The following RHOBTB1 variants were observed in gnomAD, a reference collection of about 807,000 sequenced individuals.
RHOBTB1 encodes the protein Rho related BTB domain containing 1, also known as rho-related BTB domain-containing protein 1.
In RHOBTB1, 40 loss-of-function variants were observed where a neutral mutation model predicts 71.6. The observed-to-expected ratio is 0.56, with a 90% CI of 0.43 to 0.73. The LOEUF (loss-of-function observed/expected upper bound fraction) is 0.73, where lower values mean the gene tolerates loss of function less well. Among genes scored for constraint, RHOBTB1 ranks in the 30% least tolerant of loss-of-function variants. The pLI, the probability that RHOBTB1 is intolerant of heterozygous loss-of-function variation, is 0.00. For synonymous variants in RHOBTB1, 319 were observed against 334.9 expected, an observed-to-expected ratio of 0.95 and a Z score of 0.52; for missense variants, 797 against 894.0, an observed-to-expected ratio of 0.89 and a Z score of 1.38.
chr10:60,910,822 C>A (rs888670810), intron 4 of RHOBTB1, 65 bp downstream of exon 4: 1 of 1,197,786 alleles, frequency 8.3e-7, no homozygotes, highest in Admixed American at 1.7e-5. Flanking sequence ...ATTTGTAAAC[C>A]CGCTGCTGGT....
chr10:60,924,774 A>G (rs1321185056), intron 2 of RHOBTB1, among the ~76,000 whole-genome samples: 1 of 152,244 alleles, frequency 6.6e-6, no homozygotes, highest in Admixed American at 6.5e-5. Context: ...AAATTTTTAA[A>G]AAATTATATC....
rs74556819 is a variant in RHOBTB1, at chr10:60,990,899, T to C, written c.-162-4954A>G. ...TCCAATGTCTGTCTGCTGTCTCCCG[T>C]GATGTCTCAAGACATCTCAAACTCA... On this transcript the variant is annotated intron_variant, in intron 1 of 11. Coordinates refer to the RHOBTB1 transcript ENST00000357917. Among the ~76,000 whole-genome samples, 1,072 of 152,362 alleles carry C rather than the reference T, an allele frequency of 7.0e-3. 8 individuals carry two copies. Among genetic ancestry groups the C allele is most frequent in the African/African-American group, 0.024 (995 of 41,582 alleles).
chr10:60,931,825 T>A (rs568677404), intron 2 of RHOBTB1, among the ~76,000 whole-genome samples: 2 of 152,168 alleles, frequency 1.3e-5, no homozygotes, highest in East Asian at 3.9e-4. Context: ...ACACAGAAAT[T>A]GAACCATATA....
chr10:60,999,381 C>A (rs1300302422), intron 1 of RHOBTB1, among the ~76,000 whole-genome samples: 1 of 152,108 alleles, frequency 6.6e-6, no homozygotes. Flanking sequence ...AAAAAAGATC[C>A]CTTGTATCAG....
chr10:60,948,541 G>C (rs1236024659), upstream of RHOBTB1, among the ~76,000 whole-genome samples: 2 of 152,170 alleles, frequency 1.3e-5, no homozygotes, highest in Non-Finnish European at 2.9e-5. Flanking sequence ...TAAGAAGAGA[G>C]ATTCATGCTG....
chr10:60,921,797 G>A (rs952553585), intron 2 of RHOBTB1, among the ~76,000 whole-genome samples: 3 of 152,196 alleles, frequency 2.0e-5, no homozygotes, highest in African/African-American at 4.8e-5. Context: ...GGCTAAGCCT[G>A]CAGTTGGTGA....
intron 1 of RHOBTB1, among the ~76,000 whole-genome samples, chr10:60,994,634 A>T (rs1402983923): frequency 6.6e-6 from 1 of 152,148 alleles, no homozygotes; most frequent in Non-Finnish European, 1.5e-5. Flanking sequence ...TCAGGAAAAA[A>T]AATGCAATGC....
chr10:60,875,399 C>T (rs1418799999), intron 8 of RHOBTB1, among the ~76,000 whole-genome samples: 1 of 152,212 alleles, frequency 6.6e-6, no homozygotes, highest in African/African-American at 2.4e-5. Context: ...CTCATTCACG[C>T]TAGCCACAGT....
In RHOBTB1 at chr10:60,942,610, C is replaced by T. The variant is rs564427747; in HGVS notation, c.-61-756G>A. 7.2e-5 allele frequency among the ~76,000 whole-genome samples: 11 copies of T among 152,286 alleles called. No homozygotes were observed. The South Asian group carries it at 1.9e-3, about 26-fold the overall frequency. Reference sequence around the variant, plus strand: ...CCCACTCCACCTGGGGAGCAGAATGCAGACATTATTTATGCTGAAAAGAGC... The same window carrying T: ...CCCACTCCACCTGGGGAGCAGAATGTAGACATTATTTATGCTGAAAAGAGC... On this transcript the variant is annotated intron_variant, in intron 1 of 10. Coordinates refer to ENST00000337910, the MANE Select transcript of RHOBTB1 (RefSeq NM_014836.5).
chr10:60,952,500 C>T (rs557016348), intron 2 of RHOBTB1, among the ~76,000 whole-genome samples: 1 of 152,242 alleles, frequency 6.6e-6, no homozygotes, highest in East Asian at 1.9e-4. Context: ...CACTATTATC[C>T]CCATTTTATA....
Position 60,888,870 on chromosome 10 carries a change from G to A in RHOBTB1, c.798C>T (p.Ala266=), listed in dbSNP as rs1356551753. 11 of 1,614,014 alleles carry A rather than the reference G, an allele frequency of 6.8e-6. No homozygotes were observed. Among genetic ancestry groups the A allele is most frequent in the African/African-American group, 2.7e-5 (2 of 74,902 alleles). Reference sequence around the variant, plus strand: ...GGTCCTGAAGGATGAACAGAACATCGGCACATAGAGGATTGTCCAGTAAAC... The same window carrying A: ...GGTCCTGAAGGATGAACAGAACATCAGCACATAGAGGATTGTCCAGTAAAC... ...AACLLDNPLC[A]DVLFILQDQE... Residue 266 remains alanine, a synonymous_variant, in exon 6 of 11, where the codon GCC becomes GCT. Coordinates refer to ENST00000337910, the MANE Select transcript of RHOBTB1 (RefSeq NM_014836.5).
intron 2 of RHOBTB1, among the ~76,000 whole-genome samples, chr10:60,931,219 T>C (rs1191163261): frequency 6.6e-6 from 1 of 152,178 alleles, no homozygotes; most frequent in Non-Finnish European, 1.5e-5. Flanking sequence ...TCTTTTAAAG[T>C]ATACAATTCA....
At chr10:60,961,359 C>T (rs534049676) in intron 2 of RHOBTB1, among the ~76,000 whole-genome samples, 3 of 152,234 alleles carry the variant, frequency 2.0e-5, no homozygotes, top group East Asian at 3.9e-4. Flanking sequence ...ATTATGTGAC[C>T]TTGCTGAAGC....
chr10:60,949,717 A>G (rs1361970569), intron 2 of RHOBTB1, among the ~76,000 whole-genome samples: 1 of 143,652 alleles, frequency 7.0e-6, no homozygotes, highest in Non-Finnish European at 1.5e-5. Flanking sequence ...ACAAATTTAT[A>G]GATAAATACT....
intron 2 of RHOBTB1, among the ~76,000 whole-genome samples, chr10:60,951,630 A>G (rs2085410024): frequency 6.6e-6 from 1 of 152,198 alleles, no homozygotes; most frequent in Non-Finnish European, 1.5e-5. Context: ...GCTAAGGCTC[A>G]CATCCTGTCA....
In RHOBTB1 at chr10:60,875,022, A is replaced by G. The variant is rs775638201; in HGVS notation, c.1747T>C (p.Leu583=). 3 of 1,613,890 alleles carry G rather than the reference A, an allele frequency of 1.9e-6. No homozygotes were observed. Among genetic ancestry groups the G allele is most frequent in the Middle Eastern group, 1.6e-4 (1 of 6,084 alleles). Residue 583 remains leucine (L), a synonymous_variant, in exon 9 of 11, where the codon TTG becomes CTG. Coordinates refer to ENST00000337910, the MANE Select transcript of RHOBTB1 (RefSeq NM_014836.5). The part of the protein sequence containing the change: ...ALAEQHAVQE[L]TKAATSGVGI... ...ACGCCACTCGTGGCGGCTTTGGTCAACTCCTGAACGGCATGCTGTTCTGGG... is the reference window on the plus strand; with the variant it reads ...ACGCCACTCGTGGCGGCTTTGGTCAGCTCCTGAACGGCATGCTGTTCTGGG...
chr10:60,875,052 A>C lies in RHOBTB1; in HGVS notation c.1727-10T>G, dbSNP rs1369692667. The C allele has an allele frequency of 6.2e-7, 1 of 1,611,528 alleles. No individual in the cohort carries two copies. The highest frequency in any genetic ancestry group is 8.5e-7 in the Non-Finnish European group (1 of 1,177,714). On this transcript the variant is annotated splice_polypyrimidine_tract_variant and intron_variant, in intron 8 of 10. Coordinates refer to ENST00000337910, the MANE Select transcript of RHOBTB1 (RefSeq NM_014836.5). ...TGAACGGCATGCTGTTCTGGGGAAG[A>C]GAGAGGGGGCAGGAGAACATTAAAC...
chr10:60,878,164 G>A lies in RHOBTB1; in HGVS notation c.1576-106C>T, dbSNP rs1256566387. 4.9e-6 allele frequency: 4 copies of A among 820,568 alleles called. No individual in the cohort carries two copies. The African/African-American group carries it at 6.9e-5, about 14-fold the overall frequency. 50.8% of individuals were successfully genotyped at this position (820,568 alleles called of 1,614,324 possible). On this transcript the variant is annotated intron_variant, in intron 7 of 10. Transcript: ENST00000337910. ...ATCCTGTGTGACTTGATATTGGTGA[G>A]TGTTGGACACCTGCTTTGAGGCTGT...
chr10:60,918,834 C>A (rs143140056), intron 2 of RHOBTB1, among the ~76,000 whole-genome samples: 221 of 152,022 alleles, frequency 1.5e-3, no homozygotes, highest in African/African-American at 5.2e-3. Flanking sequence ...CAAACCTCCA[C>A]CTCCTGGGTT....
Sources: allele counts gnomAD v4.1 joint callset (sites outside exome capture counted in the v4.1 genomes callset), GRCh38; gene constraint gnomAD v4.1.1; transcripts MANE v1.5; gene names NCBI Gene and HGNC (gene_info 2026-07-23, HGNC 2026-07-21).